Variants in ADPRS observed in about 807,000 individuals in gnomAD.
ADPRS encodes the protein ADP-ribosylhydrolase ARH3.
A neutral mutation model predicts 32.1 loss-of-function variants in ADPRS; 25 were observed. The observed-to-expected ratio is 0.78, with a 90% CI of 0.57 to 1.09. The LOEUF (loss-of-function observed/expected upper bound fraction) is 1.09, where lower values mean the gene tolerates loss of function less well. Ranked by LOEUF, ADPRS falls within the 50% of genes least tolerant of loss-of-function variation. ADPRS has a pLI of 0.00. For synonymous variants in ADPRS, 225 were observed against 201.0 expected (o/e 1.12, Z -1.01); for missense variants, 482 against 480.6 (o/e 1.00, Z -0.03).
Position 36,090,679 on chromosome 1 carries a change from C to CGAAAAA in ADPRS, c.212-565_212-564insGAAAAA, listed in dbSNP as rs767939474. Among the ~76,000 whole-genome samples the CGAAAAA allele has an allele frequency of 3.1e-5, 2 of 65,330 alleles. 1 individual carries two copies. The allele number at this position is 65,330 out of a possible 152,430, so 42.9% of individuals were successfully genotyped here. A position where few individuals can be genotyped will look rare whatever the true frequency, so the allele number is the denominator to read the frequency against. On this transcript the variant is annotated intron_variant, in intron 1 of 5. Transcript: ENST00000373178. Reference sequence around the variant, plus strand: ...GCAACAGGATGAAACTCCATCTCTACAAAAAAAAAAAAAAAAAAAAAAAAA... The same window carrying CGAAAAA: ...GCAACAGGATGAAACTCCATCTCTACGAAAAAAAAAAAAAAAAAAAAAAAAAAAAAA...
intron 4 of ADPRS, 119 bp from the exon 5 acceptor site, chr1:36,092,303 A>C: frequency 8.3e-7 from 1 of 1,197,634 alleles, no homozygotes; most frequent in Non-Finnish European, 1.2e-6. Context: ...TCTTGTCGGC[A>C]CCTGTGCCTG....
At chr1:36,090,944 G>C (rs1485114788) in intron 1 of ADPRS, among the ~76,000 whole-genome samples, 2 of 152,182 alleles carry the variant, frequency 1.3e-5, no homozygotes, top group South Asian at 2.1e-4. Flanking sequence ...GCCAAGGCAG[G>C]AGGATTGCTT....
intron 4 of ADPRS, 111 bp downstream of exon 4, chr1:36,092,205 G>A: frequency 1.4e-6 from 2 of 1,397,742 alleles, no homozygotes; most frequent in Admixed American, 2.6e-5. Flanking sequence ...GGGAGGCATG[G>A]GCAGAAGCCC....
chr1:36,090,020 G>T (rs1195967555), intron 1 of ADPRS, among the ~76,000 whole-genome samples: 2 of 152,120 alleles, frequency 1.3e-5, no homozygotes, highest in Non-Finnish European at 2.9e-5. Flanking sequence ...GAGGGAAGGG[G>T]ATTAGGGAAG....
intron 5 of ADPRS, among the ~76,000 whole-genome samples, chr1:36,092,739 G>A (rs939002675): frequency 2.1e-4 from 32 of 152,232 alleles, no homozygotes; most frequent in African/African-American, 7.2e-4. Context: ...CTGGCCACTA[G>A]TCGTAAAAAT....
In ADPRS at chr1:36,093,392, G is replaced by A. The variant is rs370323258; in HGVS notation, c.*6G>A. The A allele has an allele frequency of 1.2e-6, 2 of 1,607,392 alleles. No homozygotes were observed. The highest frequency in any genetic ancestry group is 1.7e-5 in the Admixed American group (1 of 59,790). ...GTGTCTTCCAGAAGAGTTGATGAGG[G>A]CTACAGCTGTTGGGGCTCTGCCAGG... On this transcript the variant is annotated 3_prime_UTR_variant, in exon 6 of 6. Transcript: ENST00000373178.
At chr1:36,089,763 G>A (rs184992700) in intron 1 of ADPRS, among the ~76,000 whole-genome samples, 9 of 152,270 alleles carry the variant, frequency 5.9e-5, no homozygotes, top group African/African-American at 1.7e-4. Context: ...TTCGTTTTCC[G>A]CCAGCCTTGG....
Position 36,090,679 on chromosome 1 carries a change from C to CAAAAAAAA in ADPRS, c.212-546_212-539dup, listed in dbSNP as rs10625386. On this transcript the variant is annotated intron_variant, in intron 1 of 5. Transcript: ENST00000373178. ...GCAACAGGATGAAACTCCATCTCTA[C>CAAAAAAAA]AAAAAAAAAAAAAAAAAAAAAAAAA... is the stretch of plus-strand genomic sequence containing the variant. 2.1e-4 allele frequency among the ~76,000 whole-genome samples: 14 copies of CAAAAAAAA among 65,356 alleles called. 5 individuals are homozygous for CAAAAAAAA. The highest frequency in any genetic ancestry group is 2.6e-4 in the Non-Finnish European group (9 of 35,058). The allele number at this position is 65,356 out of a possible 152,430, so 42.9% of individuals were successfully genotyped here.
At chr1:36,089,151 G>C in intron 1 of ADPRS, 36 bp downstream of exon 1, 1 of 1,386,348 alleles carries the variant, frequency 7.2e-7, no homozygotes, top group South Asian at 1.7e-5. Flanking sequence ...AGGCCGTGCG[G>C]GAGGGAGGCC....
At chr1:36,092,231 G>C in intron 4 of ADPRS, 137 bp downstream of exon 4, 1 of 1,304,476 alleles carries the variant, frequency 7.7e-7, no homozygotes, top group Non-Finnish European at 1.0e-6. Context: ...TCTTGTCTAT[G>C]TTTCAAGGCT....
rs752461118 is a variant in ADPRS at position 36,091,924 on chromosome 1, G to A, written c.531G>A (p.Ser177=). 4.7e-5 allele frequency: 75 copies of A among 1,604,852 alleles called. No homozygotes were observed. Among genetic ancestry groups the A allele is most frequent in the Non-Finnish European group, 5.9e-5 (69 of 1,173,468 alleles). The change falls in exon 4 of 6, where the codon TCG becomes TCA. Residue 177 remains serine (S), a synonymous_variant. Transcript: ENST00000373178. ...CTCCTCCCTAGTTTGCCCGGCTCTCGGCCCAGCTGACACACGCCTCCTCCC... is the reference window on the plus strand; with the variant it reads ...CTCCTCCCTAGTTTGCCCGGCTCTCAGCCCAGCTGACACACGCCTCCTCCC... The part of the protein sequence containing the change: ...VQDVQKFARL[S]AQLTHASSLG...
chr1:36,091,646 G>C lies in ADPRS; in HGVS notation c.337G>C (p.Asp113His), dbSNP rs2124054134. 6.2e-7 allele frequency: 1 copy of C among 1,608,816 alleles called. No individual in the cohort carries two copies. ...RFAQEYKKDP[D>H]RGYGAGVVTV... ...TGCTCAGGAGTACAAGAAAGACCCTGACAGGGGCTATGGTGCTGGAGTAGT... is the reference window on the plus strand; with the variant it reads ...TGCTCAGGAGTACAAGAAAGACCCTCACAGGGGCTATGGTGCTGGAGTAGT... Residue 113 changes from aspartate (D) to histidine (H), a missense_variant, in exon 3 of 6, where the codon GAC becomes CAC. Coordinates refer to ENST00000373178, the MANE Select transcript of ADPRS (RefSeq NM_017825.3).
chr1:36,093,252 A>C lies in ADPRS; in HGVS notation c.958A>C (p.Thr320Pro). The C allele has an allele frequency of 6.2e-7, 1 of 1,614,232 alleles. No individual in the cohort carries two copies. The highest frequency in any genetic ancestry group is 8.5e-7 in the Non-Finnish European group (1 of 1,180,044). ...SLGGDTDTIA[T>P]MAGAIAGAYY... ...TGGTGGGGACACAGACACCATTGCC[A>C]CCATGGCTGGGGCCATTGCTGGTGC... Residue 320 changes from threonine (T) to proline (P), a missense_variant, in exon 6 of 6, where the codon ACC becomes CCC. Physicochemically the swap from Thr to Pro is conservative, Grantham distance 38 (BLOSUM62 -1). Transcript: ENST00000373178.
At chr1:36,092,948 G>C in intron 5 of ADPRS, 149 bp from the exon 6 acceptor site, 1 of 778,546 alleles carries the variant, frequency 1.3e-6, no homozygotes, top group South Asian at 1.8e-5. Context: ...CAGCCAGTGT[G>C]TGGTGGAGCC....
At chr1:36,089,602 G>A (rs777930039) in intron 1 of ADPRS, among the ~76,000 whole-genome samples, 70 of 152,178 alleles carry the variant, frequency 4.6e-4, no homozygotes, top group Non-Finnish European at 9.0e-4. Context: ...CCACCAGCCC[G>A]TTCTCCACCC....
Position 36,088,944 on chromosome 1 carries a change from G to A in ADPRS, c.40G>A (p.Ala14Thr). ...GATGGCGGCAGCGGCAGGTGGAGGG[G>A]CTGGCGCGGCCCGCTCCCTCTCGCG... ...AAMAAAAGGG[A>T]GAARSLSRFR... The change falls in exon 1 of 6, where the codon GCT becomes ACT. Residue 14 changes from alanine (A) to threonine (T), a missense_variant. Transcript: ENST00000373178. 2 of 1,520,114 alleles carry A rather than the reference G, an allele frequency of 1.3e-6. No individual in the cohort carries two copies. The highest frequency in any genetic ancestry group is 2.4e-5 in the South Asian group (2 of 82,560). The allele number at this position is 1,520,114 out of a possible 1,614,324, so 94.2% of individuals were successfully genotyped here. A position where few individuals can be genotyped will look rare whatever the true frequency, so the allele number is the denominator to read the frequency against.
intron 5 of ADPRS, 84 bp from the exon 6 acceptor site, chr1:36,093,013 G>A: frequency 6.9e-7 from 1 of 1,446,908 alleles, no homozygotes; most frequent in South Asian, 1.3e-5. Context: ...GTCACAGCCT[G>A]CTTGAAGCCG....
chr1:36,092,767 T>C (rs1643502392), intron 5 of ADPRS, among the ~76,000 whole-genome samples: 2 of 152,244 alleles, frequency 1.3e-5, no homozygotes, highest in Non-Finnish European at 2.9e-5. Flanking sequence ...ATGGATTTTA[T>C]TTGTCTAGCA....
At chr1:36,089,257 G>A (rs938107697) in intron 1 of ADPRS, 142 bp downstream of exon 1, 1 of 981,748 alleles carries the variant, frequency 1.0e-6, no homozygotes, top group Non-Finnish European at 1.4e-6. Flanking sequence ...CCCGCAGACA[G>A]CTTGAGCTCA....
Sources: gnomAD v4.1 joint callset for allele counts (sites outside exome capture counted in the v4.1 genomes callset) on GRCh38, gnomAD v4.1.1 for gene constraint, MANE v1.5 for transcripts, NCBI Gene and HGNC (gene_info 2026-07-23, HGNC 2026-07-21) for gene names.